The following DCC variants were observed in gnomAD, a reference collection of about 807,000 sequenced individuals.
The protein encoded by DCC is netrin receptor DCC.
DCC carries 58 observed loss-of-function variants against 172.5 expected under a neutral mutation model. That is an observed-to-expected ratio of 0.34 (90% CI 0.27 to 0.42). The LOEUF (loss-of-function observed/expected upper bound fraction) is 0.42, where lower values mean the gene tolerates loss of function less well. DCC is among the 10% of genes least tolerant of loss of function. DCC has a pLI of 1.00. For synonymous variants in DCC, 709 were observed against 644.5 expected (o/e 1.10, Z -1.52); for missense variants, 1,740 against 1,791.0 (o/e 0.97, Z 0.51).
chr18:52,397,132 A>G (rs1345733380), intron 1 of DCC, among the ~76,000 whole-genome samples: 1 of 152,092 alleles, frequency 6.6e-6, no homozygotes, highest in East Asian at 1.9e-4. Flanking sequence ...ATAAATGTTT[A>G]TAGTAGTGAT....
At chr18:52,402,946 G>A (rs1986495865) in intron 1 of DCC, among the ~76,000 whole-genome samples, 1 of 151,998 alleles carries the variant, frequency 6.6e-6, no homozygotes, top group Admixed American at 6.6e-5. Flanking sequence ...CAGTGTTCAA[G>A]TGTGCCTGGA....
intron 7 of DCC, among the ~76,000 whole-genome samples, chr18:53,141,239 A>C (rs1218207491): frequency 6.6e-6 from 1 of 152,204 alleles, no homozygotes; most frequent in East Asian, 1.9e-4. Flanking sequence ...AGGGCTAAAA[A>C]ATAGTGAAAT....
chr18:52,535,043 A>C (rs1458650837), intron 1 of DCC, among the ~76,000 whole-genome samples: 1 of 152,188 alleles, frequency 6.6e-6, no homozygotes, highest in Non-Finnish European at 1.5e-5. Flanking sequence ...TATCTCCAGC[A>C]GCAATATGCA....
intron 24 of DCC, 115 bp from the exon 25 acceptor site, chr18:53,467,776 AGAT>A: frequency 1.3e-6 from 1 of 763,802 alleles, no homozygotes; most frequent in Admixed American, 1.7e-5. Flanking sequence ...ACAAGAAGGT[AGAT>A]ACTATCATAG....
At chr18:53,463,794 A>G (rs750060429) in intron 24 of DCC, among the ~76,000 whole-genome samples, 1 of 152,218 alleles carries the variant, frequency 6.6e-6, no homozygotes, top group African/African-American at 2.4e-5. Flanking sequence ...CTTTTATATA[A>G]GTACTTTTCT....
At chr18:53,511,782 A>G (rs868514765) in intron 27 of DCC, among the ~76,000 whole-genome samples, 15 of 152,284 alleles carry the variant, frequency 9.9e-5, no homozygotes, top group Non-Finnish European at 2.2e-4. Context: ...TCATGAGAGT[A>G]TATCCTGCAC....
At chr18:52,621,171 G>C (rs1307586300) in intron 1 of DCC, among the ~76,000 whole-genome samples, 1 of 152,176 alleles carries the variant, frequency 6.6e-6, no homozygotes, top group East Asian at 1.9e-4. Flanking sequence ...TGTTTAACTT[G>C]GTTAATATGT....
chr18:52,770,894 C>T (rs2037330309), intron 2 of DCC, among the ~76,000 whole-genome samples: 1 of 152,202 alleles, frequency 6.6e-6, no homozygotes, highest in Non-Finnish European at 1.5e-5. Flanking sequence ...TCTTCCTTCG[C>T]CATCCTTCAA....
intron 1 of DCC, among the ~76,000 whole-genome samples, chr18:52,649,144 C>T (rs907122770): frequency 3.3e-5 from 5 of 151,998 alleles, no homozygotes; most frequent in Non-Finnish European, 7.4e-5. Context: ...GAGGCTGAGG[C>T]GGGTGGATCA....
chr18:52,472,143 C>T (rs149784044), intron 1 of DCC, among the ~76,000 whole-genome samples: 2 of 152,292 alleles, frequency 1.3e-5, no homozygotes, highest in Admixed American at 6.5e-5. Flanking sequence ...GGATTTTGAG[C>T]AAGGTGTGAT....
intron 24 of DCC, among the ~76,000 whole-genome samples, chr18:53,462,049 G>T (rs1190824323): frequency 6.6e-6 from 1 of 152,166 alleles, no homozygotes; most frequent in African/African-American, 2.4e-5. Flanking sequence ...GAGTGAAGAG[G>T]GAGGGGAGGT....
In DCC at chr18:53,397,392, A is replaced by G. The variant is rs904868275; in HGVS notation, c.2773A>G (p.Asn925Asp). The G allele has an allele frequency of 4.3e-6, 7 of 1,613,938 alleles. No individual in the cohort carries two copies. In the Admixed American group the frequency reaches 1.2e-4, roughly 27 times the overall value. ...MYEFSVMVTK[N>D]RRSSTWSMTA... ...TGAATTCTCGGTCATGGTAACAAAA[A>G]ACAGAAGGTCCAGTACTTGGAGCAT... The change falls in exon 18 of 29, where the codon AAC becomes GAC. Residue 925 changes from asparagine (N) to aspartate (D), a missense_variant. By Grantham distance (23) the Asn-to-Asp change is conservative (BLOSUM62 1). Transcript: ENST00000442544.
At chr18:52,638,763 C>A (rs1055370357) in intron 1 of DCC, among the ~76,000 whole-genome samples, 1 of 152,036 alleles carries the variant, frequency 6.6e-6, no homozygotes, top group Non-Finnish European at 1.5e-5. Context: ...TAGTCAGGGA[C>A]TTCAATACTC....
chr18:53,394,067 TCTTTA>T (rs1160399177), intron 17 of DCC, among the ~76,000 whole-genome samples: 2 of 152,202 alleles, frequency 1.3e-5, no homozygotes, highest in African/African-American at 4.8e-5. Flanking sequence ...CAATGTCATA[TCTTTA>T]CTTCATCTCA....
chr18:53,144,562 G>A (rs186138123), intron 7 of DCC, among the ~76,000 whole-genome samples: 1 of 152,124 alleles, frequency 6.6e-6, no homozygotes, highest in Admixed American at 6.5e-5. Flanking sequence ...GGAAAGACCC[G>A]CCCCCATGAT....
intron 1 of DCC, among the ~76,000 whole-genome samples, chr18:52,373,887 C>CTTTTTT (rs779518696): frequency 9.4e-4 from 133 of 141,118 alleles, no homozygotes; most frequent in Non-Finnish European, 1.2e-3. Flanking sequence ...TTGGTTGCAT[C>CTTTTTT]ATTTTTTTTT....
intron 2 of DCC, among the ~76,000 whole-genome samples, chr18:52,773,344 C>T (rs768139223): frequency 1.3e-5 from 2 of 152,100 alleles, no homozygotes; most frequent in African/African-American, 2.4e-5. Context: ...GTAGCCACAA[C>T]GAAGAGGTCA....
chr18:53,010,586 T>C (rs963568363), intron 5 of DCC, among the ~76,000 whole-genome samples: 1 of 151,216 alleles, frequency 6.6e-6, no homozygotes, highest in African/African-American at 2.4e-5. Flanking sequence ...TAGGTGTACA[T>C]ATTCAAATTA....
At chr18:52,494,410 T>G (rs9952139) in intron 1 of DCC, among the ~76,000 whole-genome samples, 73 of 152,074 alleles carry the variant, frequency 4.8e-4, no homozygotes, top group African/African-American at 1.6e-3. Context: ...CCATTATGTC[T>G]TCAAAGATTG....
Sources: allele counts gnomAD v4.1 joint callset (sites outside exome capture counted in the v4.1 genomes callset), GRCh38; gene constraint gnomAD v4.1.1; transcripts MANE v1.5; gene names NCBI Gene and HGNC (gene_info 2026-07-23, HGNC 2026-07-21).